The following QRICH1 variants were observed in gnomAD, a reference collection of about 807,000 sequenced individuals.
QRICH1 encodes transcriptional regulator QRICH1.
QRICH1 carries 16 observed loss-of-function variants against 87.1 expected under a neutral mutation model. The observed-to-expected ratio is 0.18, with a 90% CI of 0.12 to 0.28. The LOEUF is 0.28. Ranked by LOEUF, QRICH1 falls within the 10% of genes least tolerant of loss-of-function variation. The pLI, the probability that QRICH1 is intolerant of heterozygous loss-of-function variation, is 1.00. For missense variants in QRICH1, 647 were observed against 951.7 expected (o/e 0.68, Z 4.21); for synonymous variants, 367 against 368.4 (o/e 1.00, Z 0.05).
chr3:49,054,838 G>A (rs1336787928), intron 3 of QRICH1, among the ~76,000 whole-genome samples: 1 of 152,016 alleles, frequency 6.6e-6, no homozygotes, highest in African/African-American at 2.4e-5. Context: ...GGAGTTAGAG[G>A]CTACAGTGAA....
chr3:49,057,335 C>A lies in QRICH1; in HGVS notation c.865G>T (p.Val289Leu). The A allele has an allele frequency of 1.2e-6, 2 of 1,614,234 alleles. No individual in the cohort carries two copies. The highest frequency in any genetic ancestry group is 1.7e-6 in the Non-Finnish European group (2 of 1,180,052). Reference sequence around the variant, plus strand: ...GCACTGTACAGGTGGGCACTGTCTACTGTCAGTAAGTCTGGCCTCAAAGAC... The same window carrying A: ...GCACTGTACAGGTGGGCACTGTCTAATGTCAGTAAGTCTGGCCTCAAAGAC... ...YVSLRPDLLTVDSAHLYSATG... is the reference protein window; with the variant it reads ...YVSLRPDLLTLDSAHLYSATG... Residue 289 changes from valine (V) to leucine (L), a missense_variant, in exon 3 of 10, where the codon GTA becomes TTA. Around this residue, in one of 7 missense-constraint regions of QRICH1, gnomAD observed 75 missense variants for 141.0 expected, o/e 0.53. Transcript: ENST00000395443. The surrounding 1 kb of genome is among the most constrained non-coding windows in gnomAD (Gnocchi z 5.4).
intron 1 of QRICH1, among the ~76,000 whole-genome samples, chr3:49,085,336 G>A (rs948968560): frequency 5.4e-5 from 8 of 148,590 alleles, no homozygotes; most frequent in African/African-American, 1.7e-4. Context: ...TCAGGAGATC[G>A]AGACCATCCT....
upstream of QRICH1, chr3:49,094,165 A>AG: frequency 2.5e-6 from 1 of 395,976 alleles, no homozygotes. Flanking sequence ...ACGCTTCAGC[A>AG]GGGGAAGGTG....
intron 1 of QRICH1, among the ~76,000 whole-genome samples, chr3:49,085,506 G>A (rs951899029): frequency 2.0e-5 from 3 of 152,114 alleles, no homozygotes; most frequent in African/African-American, 7.2e-5. Context: ...TGTAATCCCA[G>A]CACTTTGGGA....
At chr3:49,047,448 G>A (rs1449607111) in intron 3 of QRICH1, among the ~76,000 whole-genome samples, 1 of 150,500 alleles carries the variant, frequency 6.6e-6, no homozygotes, top group African/African-American at 2.4e-5. Context: ...GGCTAGTGCA[G>A]TGCTTCTCAG....
At chr3:49,038,349 C>T (rs2093288417) in intron 6 of QRICH1, among the ~76,000 whole-genome samples, 1 of 152,116 alleles carries the variant, frequency 6.6e-6, no homozygotes, top group South Asian at 2.1e-4. Flanking sequence ...GCATGAGCCA[C>T]TGCGCCCAGC....
At chr3:49,072,166 A>G (rs1373309839) in intron 2 of QRICH1, among the ~76,000 whole-genome samples, 2 of 152,122 alleles carry the variant, frequency 1.3e-5, no homozygotes, top group Admixed American at 6.6e-5. Context: ...CCCCATCTCT[A>G]CTAAAAATAT....
At chr3:49,062,371 GC>G (rs2093440338) in intron 2 of QRICH1, among the ~76,000 whole-genome samples, 1 of 143,368 alleles carries the variant, frequency 7.0e-6, no homozygotes, top group Non-Finnish European at 1.5e-5. Flanking sequence ...TGGTGTAGTC[GC>G]TTTTTTTTTT....
At chr3:49,040,117 G>T (rs531629115) in intron 6 of QRICH1, among the ~76,000 whole-genome samples, 1 of 152,244 alleles carries the variant, frequency 6.6e-6, no homozygotes, top group Admixed American at 6.5e-5. Context: ...GTACATGGGG[G>T]AATTCATTAA....
Position 49,032,396 on chromosome 3 carries a change from G to C in QRICH1, c.2048-123C>G, listed in dbSNP as rs1311610860. 8 of 848,404 alleles carry C rather than the reference G, an allele frequency of 9.4e-6. No individual in the cohort carries two copies. The Admixed American group carries it at 1.8e-4, about 19-fold the overall frequency. 52.6% of individuals were successfully genotyped at this position (848,404 alleles called of 1,614,324 possible). On this transcript the variant is annotated intron_variant, in intron 8 of 9. Coordinates refer to ENST00000395443, the MANE Select transcript of QRICH1 (RefSeq NM_198880.3). ...GAAATACAGGGTCGGGGGAGGGAAG[G>C]TATGAGGCATGGGCAGTGACTACTA...
chr3:49,087,775 G>A (rs1037864774), intron 1 of QRICH1, among the ~76,000 whole-genome samples: 2 of 112,126 alleles, frequency 1.8e-5, no homozygotes, highest in African/African-American at 6.8e-5. Context: ...TCGGGAGGCT[G>A]AGGCAGAAGA....
chr3:49,062,718 T>TAAA (rs545779499), intron 2 of QRICH1, among the ~76,000 whole-genome samples: 1 of 150,312 alleles, frequency 6.7e-6, no homozygotes, highest in Admixed American at 6.6e-5. Context: ...GTATATTTTT[T>TAAA]AAAAAAAGGC....
At chr3:49,048,180 T>C (rs959614120) in intron 3 of QRICH1, among the ~76,000 whole-genome samples, 10 of 151,544 alleles carry the variant, frequency 6.6e-5, no homozygotes, top group Non-Finnish European at 1.5e-4. Context: ...TCTTGGATGC[T>C]GGAGTGCAAT....
chr3:49,056,790 C>T (rs892557737), intron 3 of QRICH1, 72 bp downstream of exon 3: 25 of 1,605,254 alleles, frequency 1.6e-5, no homozygotes, highest in East Asian at 8.9e-5. Context: ...CCAGAGGTTG[C>T]GAGGCAAGCT....
At chr3:49,078,736 C>T (rs1267014726) in intron 1 of QRICH1, among the ~76,000 whole-genome samples, 97 of 105,696 alleles carry the variant, frequency 9.2e-4, no homozygotes, top group Middle Eastern at 8.6e-3. Flanking sequence ...CTCCCTCTGT[C>T]GCCCAGGCTG....
intron 2 of QRICH1, among the ~76,000 whole-genome samples, chr3:49,065,807 A>G (rs2093464945): frequency 1.3e-5 from 2 of 151,988 alleles, no homozygotes; most frequent in African/African-American, 4.8e-5. Flanking sequence ...CAGCCTCTCA[A>G]GTAGCTGGGA....
chr3:49,069,983 C>CTT (rs777450124), intron 2 of QRICH1, among the ~76,000 whole-genome samples: 13 of 152,044 alleles, frequency 8.6e-5, no homozygotes, highest in Non-Finnish European at 1.5e-4. Context: ...TTAGGGCACT[C>CTT]TAAGAACTGC....
intron 1 of QRICH1, among the ~76,000 whole-genome samples, chr3:49,083,837 G>A (rs2042118805): frequency 6.6e-6 from 1 of 151,346 alleles, no homozygotes; most frequent in Admixed American, 6.6e-5. Context: ...GCTGAGGCAG[G>A]AGAATCGCTT....
At chr3:49,032,040 A>G in intron 9 of QRICH1, 143 bp downstream of exon 9, 1 of 692,032 alleles carries the variant, frequency 1.4e-6, no homozygotes, top group Non-Finnish European at 2.4e-6. Flanking sequence ...GGCTGCTTCT[A>G]AATTTAGCTT....
Sources: allele counts gnomAD v4.1 joint callset (sites outside exome capture counted in the v4.1 genomes callset), GRCh38; gene constraint gnomAD v4.1.1; regional missense constraint gnomAD v4.1.1; non-coding constraint Gnocchi (gnomAD v3.1); transcripts MANE v1.5; gene names NCBI Gene and HGNC (gene_info 2026-07-23, HGNC 2026-07-21).